The following COL22A1 variants were observed in gnomAD, a reference collection of about 807,000 sequenced individuals.
COL22A1 encodes collagen type XXII alpha 1 chain, also known as collagen alpha-1(XXII) chain.
A neutral mutation model predicts 248.9 loss-of-function variants in COL22A1; 221 were observed. The ratio of observed to expected loss-of-function variants is 0.89; its 90% CI spans 0.80 to 0.99. The LOEUF is 0.99. Ranked by LOEUF, COL22A1 falls within the 50% of genes least tolerant of loss-of-function variation. COL22A1 has a pLI of 0.00. For missense variants in COL22A1, 2,240 were observed against 2,179.0 expected, an observed-to-expected ratio of 1.03 and a Z score of -0.56; for synonymous variants, 891 against 793.4, an observed-to-expected ratio of 1.12 and a Z score of -2.07.
chr8:138,619,532 A>T, intron 52 of COL22A1, 24 bp from the exon 53 acceptor site: 1 of 1,608,784 alleles, frequency 6.2e-7, no homozygotes, highest in South Asian at 1.1e-5. Flanking sequence ...AGAAAAGAAG[A>T]GTTTGAGGAC....
chr8:138,616,306 C>T (rs919376980), intron 54 of COL22A1, among the ~76,000 whole-genome samples: 1 of 152,204 alleles, frequency 6.6e-6, no homozygotes, highest in Non-Finnish European at 1.5e-5. Context: ...GGAAGAACAG[C>T]AGCTGAAGGC....
chr8:138,829,034 G>C (rs970008191), intron 5 of COL22A1, among the ~76,000 whole-genome samples: 9 of 152,252 alleles, frequency 5.9e-5, no homozygotes, highest in Non-Finnish European at 1.3e-4. Flanking sequence ...AAGGGAAGTG[G>C]GGAGGCGTCT....
intron 16 of COL22A1, among the ~76,000 whole-genome samples, chr8:138,773,809 C>A (rs189176150): frequency 6.6e-5 from 10 of 152,312 alleles, no homozygotes; most frequent in South Asian, 2.1e-4. Flanking sequence ...CAGCGTGTGA[C>A]CCCCACATGC....
chr8:138,756,937 T>C (rs1169668281), intron 18 of COL22A1, among the ~76,000 whole-genome samples: 1 of 152,196 alleles, frequency 6.6e-6, no homozygotes, highest in African/African-American at 2.4e-5. Flanking sequence ...GTGCCAGTTT[T>C]CTTCATTGTA....
At chr8:138,697,996 G>A (rs1827649679) in intron 32 of COL22A1, among the ~76,000 whole-genome samples, 1 of 152,224 alleles carries the variant, frequency 6.6e-6, no homozygotes, top group African/African-American at 2.4e-5. Flanking sequence ...TGTCAGTGCT[G>A]GGACTCAAGG....
intron 39 of COL22A1, among the ~76,000 whole-genome samples, chr8:138,681,168 G>A (rs1032486028): frequency 3.9e-5 from 6 of 151,984 alleles, no homozygotes; most frequent in African/African-American, 1.5e-4. Flanking sequence ...AAGGTCTAAA[G>A]CAGACCCCAC....
intron 3 of COL22A1, among the ~76,000 whole-genome samples, chr8:138,866,803 C>T (rs2131986482): frequency 7.7e-6 from 1 of 130,274 alleles, no homozygotes; most frequent in South Asian, 3.4e-4. Context: ...GAATACATGG[C>T]TAACCTCTAA....
intron 16 of COL22A1, among the ~76,000 whole-genome samples, chr8:138,766,034 C>T (rs995225778): frequency 6.6e-6 from 1 of 152,232 alleles, no homozygotes; most frequent in African/African-American, 2.4e-5. Flanking sequence ...TCTGCTCATC[C>T]ACCCACTCCC....
intron 16 of COL22A1, among the ~76,000 whole-genome samples, chr8:138,775,058 AG>A (rs1157559100): frequency 3.3e-5 from 5 of 152,238 alleles, no homozygotes; most frequent in Non-Finnish European, 7.3e-5. Flanking sequence ...ATGTAAATTA[AG>A]GTTGAAGAAC....
chr8:138,843,848 CTA>C (rs1821051020), intron 4 of COL22A1, among the ~76,000 whole-genome samples: 1 of 152,228 alleles, frequency 6.6e-6, no homozygotes, highest in Non-Finnish European at 1.5e-5. Flanking sequence ...TGAGTGACTC[CTA>C]TAGAATATCC....
intron 48 of COL22A1, 25 bp downstream of exon 48, chr8:138,636,717 G>T (rs756882455): frequency 3.2e-6 from 5 of 1,585,138 alleles, no homozygotes; most frequent in Non-Finnish European, 3.5e-6. Context: ...CAGGGTGAAT[G>T]GTTCCTTATA....
intron 1 of COL22A1, among the ~76,000 whole-genome samples, chr8:138,908,379 C>G (rs1815183281): frequency 6.6e-6 from 1 of 152,206 alleles, no homozygotes; most frequent in Admixed American, 6.5e-5. Context: ...TACTGTTGCA[C>G]TTGTAAAAAC....
chr8:138,668,864 C>T (rs536773600), intron 41 of COL22A1, among the ~76,000 whole-genome samples: 154 of 152,164 alleles, frequency 1.0e-3, no homozygotes, highest in Non-Finnish European at 1.6e-3. Flanking sequence ...GGCATCAGCC[C>T]GAGAGAGTTT....
intron 45 of COL22A1, among the ~76,000 whole-genome samples, chr8:138,654,652 C>T (rs902983625): frequency 5.3e-5 from 8 of 152,064 alleles, no homozygotes; most frequent in Admixed American, 3.3e-4. Flanking sequence ...GCTGCAGCAC[C>T]CCTGTTCTTT....
At chr8:138,653,392 C>T (rs558845152) in intron 45 of COL22A1, among the ~76,000 whole-genome samples, 29 of 152,254 alleles carry the variant, frequency 1.9e-4, no homozygotes, top group African/African-American at 6.0e-4. Context: ...AGAGGCTACG[C>T]GTAAGGCTTC....
intron 49 of COL22A1, among the ~76,000 whole-genome samples, chr8:138,632,834 T>G (rs1451132114): frequency 6.6e-6 from 1 of 152,210 alleles, no homozygotes; most frequent in Non-Finnish European, 1.5e-5. Flanking sequence ...TTTAATTAAA[T>G]ATGTAGTCCA....
intron 3 of COL22A1, among the ~76,000 whole-genome samples, chr8:138,845,897 C>T (rs1218535817): frequency 6.6e-6 from 1 of 152,216 alleles, no homozygotes; most frequent in Non-Finnish European, 1.5e-5. Context: ...GGTTATCACA[C>T]ATTATTATTA....
At chr8:138,792,402 G>A (rs186253354) in intron 12 of COL22A1, among the ~76,000 whole-genome samples, 2 of 152,320 alleles carry the variant, frequency 1.3e-5, no homozygotes, top group Non-Finnish European at 2.9e-5. Context: ...CCTCAGGTGA[G>A]CCTGCTCTCT....
At chr8:138,829,359 T>C (rs936258352) in intron 5 of COL22A1, among the ~76,000 whole-genome samples, 2 of 152,178 alleles carry the variant, frequency 1.3e-5, no homozygotes, top group African/African-American at 4.8e-5. Context: ...TATGCTGCTT[T>C]GTTTTTCATT....
Sources: gnomAD v4.1 joint callset for allele counts (sites outside exome capture counted in the v4.1 genomes callset) on GRCh38, gnomAD v4.1.1 for gene constraint, MANE v1.5 for transcripts, NCBI Gene and HGNC (gene_info 2026-07-23, HGNC 2026-07-21) for gene names.